Variants in CMTR1 observed in about 807,000 individuals in gnomAD.
The protein encoded by CMTR1 is cap methyltransferase 1, also known as cap-specific mRNA (nucleoside-2'-O-)-methyltransferase 1.
In CMTR1, 39 loss-of-function variants were observed where a neutral mutation model predicts 107.0. The ratio of observed to expected loss-of-function variants is 0.36; its 90% CI spans 0.28 to 0.48. The LOEUF (loss-of-function observed/expected upper bound fraction) is 0.48, where lower values mean the gene tolerates loss of function less well. CMTR1 is among the 20% of genes least tolerant of loss of function. CMTR1 has a pLI of 0.99. For synonymous variants in CMTR1, 366 were observed against 379.5 expected, an observed-to-expected ratio of 0.96 and a Z score of 0.41; for missense variants, 672 against 1,064.9, an observed-to-expected ratio of 0.63 and a Z score of 5.14.
At chr6:37,474,797 C>G (rs994496045) in intron 18 of CMTR1, 151 bp downstream of exon 18, 33 of 1,203,618 alleles carry the variant, frequency 2.7e-5, no homozygotes, top group Middle Eastern at 3.0e-4. Flanking sequence ...GACTCCTCCC[C>G]GAGCAGTTGC....
chr6:37,455,337 C>G (rs1293489915), intron 8 of CMTR1, among the ~76,000 whole-genome samples: 1 of 152,150 alleles, frequency 6.6e-6, no homozygotes, highest in Admixed American at 6.5e-5. Context: ...CCTTGGCCTC[C>G]CAAAGTGTTG....
chr6:37,437,073 AAG>A (rs1285705940), intron 2 of CMTR1, among the ~76,000 whole-genome samples: 1 of 152,166 alleles, frequency 6.6e-6, no homozygotes, highest in Non-Finnish European at 1.5e-5. Context: ...CAGGCTAGAT[AAG>A]AGAGTCAGTT....
At chr6:37,425,337 C>A in the CMTR1 span, among the ~76,000 whole-genome samples, 4 of 149,790 alleles carry the variant, frequency 2.7e-5, no homozygotes, top group Admixed American at 2.7e-4. Context: ...TGCTCTGTCA[C>A]CCAGGCTGGA....
At chr6:37,447,512 C>T (rs990602490) in intron 4 of CMTR1, among the ~76,000 whole-genome samples, 5 of 152,164 alleles carry the variant, frequency 3.3e-5, no homozygotes, top group Non-Finnish European at 7.4e-5. Context: ...AACAAGAGTC[C>T]ACATCCTTTC....
At chr6:37,449,163 C>T (rs532245093) in intron 4 of CMTR1, among the ~76,000 whole-genome samples, 1 of 152,166 alleles carries the variant, frequency 6.6e-6, no homozygotes, top group South Asian at 2.1e-4. Context: ...CCAGACTGGT[C>T]TTAAACTCCT....
At chr6:37,431,012 C>CAAAAAAAAAAAAAAAAA (rs34543353), upstream of CMTR1, among the ~76,000 whole-genome samples, 1 of 50,368 alleles carries the variant, frequency 2.0e-5, no homozygotes, top group Non-Finnish European at 4.2e-5. Flanking sequence ...GACTCCGTCT[C>CAAAAAAAAAAAAAAAAA]AAAAAAAAAA....
At position 37,435,705 on chromosome 6, in the gene CMTR1, A is replaced by G. The variant is rs769571650; in HGVS notation, c.76A>G (p.Ser26Gly). 1.2e-6 allele frequency: 2 copies of G among 1,603,922 alleles called. No individual in the cohort carries two copies. The highest frequency in any genetic ancestry group is 2.3e-5 in the South Asian group (2 of 88,874). ...QKKRVAELAL[S>G]LSSTSDDEPP... Reference sequence around the variant, plus strand: ...AAAAAGAGTTGCAGAGCTTGCCCTGAGCCTCAGCTCCACGTCCGATGATGA... The same window carrying G: ...AAAAAGAGTTGCAGAGCTTGCCCTGGGCCTCAGCTCCACGTCCGATGATGA... The change falls in exon 2 of 24, where the codon AGC (serine) becomes GGC (glycine). Residue 26 changes from serine (S) to glycine (G), a missense_variant. Around this residue, in one of 2 missense-constraint regions of CMTR1, gnomAD observed 89 missense variants for 96.6 expected, o/e 0.92. Coordinates refer to ENST00000373451, the MANE Select transcript of CMTR1 (RefSeq NM_015050.3).
chr6:37,476,210 C>T lies in CMTR1; in HGVS notation c.2105+16C>T, dbSNP rs763769595. 19 of 1,613,350 alleles carry T rather than the reference C, an allele frequency of 1.2e-5. No homozygotes were observed. Among genetic ancestry groups the T allele is most frequent in the Non-Finnish European group, 1.5e-5 (18 of 1,179,474 alleles). On this transcript the variant is annotated intron_variant, in intron 20 of 23. Transcript: ENST00000373451. ...ATCCCATCAGGTGAGCATGTGGTCCCTACCCTCCATGCTTCTTTCTGGCCA... is the reference window on the plus strand; with the variant it reads ...ATCCCATCAGGTGAGCATGTGGTCCTTACCCTCCATGCTTCTTTCTGGCCA...
chr6:37,457,050 G>A (rs1241410310), intron 8 of CMTR1, among the ~76,000 whole-genome samples: 1 of 150,624 alleles, frequency 6.6e-6, no homozygotes, highest in East Asian at 1.9e-4. Context: ...CCAAGATCCT[G>A]TCTCTAAAAA....
Position 37,480,167 on chromosome 6 carries a change from C to T in CMTR1, c.*22C>T. 1 of 1,595,782 alleles carries T rather than the reference C, an allele frequency of 6.3e-7. No individual in the cohort carries two copies. The highest frequency in any genetic ancestry group is 8.5e-7 in the Non-Finnish European group (1 of 1,172,136). On this transcript the variant is annotated 3_prime_UTR_variant, in exon 24 of 24. Transcript: ENST00000373451. Reference sequence around the variant, plus strand: ...CTAAGAGCCTCAGAATGTGCCACCCCTGCAGAATGCCCTGTCATTCCTGAG... The same window carrying T: ...CTAAGAGCCTCAGAATGTGCCACCCTTGCAGAATGCCCTGTCATTCCTGAG...
the CMTR1 span, among the ~76,000 whole-genome samples, chr6:37,427,992 A>G: frequency 7.0e-6 from 1 of 143,316 alleles, no homozygotes; most frequent in Non-Finnish European, 1.5e-5. The surrounding 1 kb of genome is among the most constrained non-coding windows in gnomAD (Gnocchi z 4.4). Flanking sequence ...AGTTTTGTCA[A>G]CCTAAGCAAC....
chr6:37,460,801 G>A (rs2395672), intron 10 of CMTR1, among the ~76,000 whole-genome samples: 23,693 of 152,116 alleles, frequency 0.16, 2,344 homozygotes, highest in East Asian at 0.2. Flanking sequence ...CAGATTTTCA[G>A]AAGTTTTCAT....
At chr6:37,443,173 A>G (rs1261464008) in intron 2 of CMTR1, among the ~76,000 whole-genome samples, 1 of 152,180 alleles carries the variant, frequency 6.6e-6, no homozygotes, top group Non-Finnish European at 1.5e-5. Flanking sequence ...GTCTTCTTGT[A>G]TATCGTTCCT....
At chr6:37,470,824 T>G (rs555982485) in intron 13 of CMTR1, among the ~76,000 whole-genome samples, 197 bp from the exon 14 acceptor site, 22 of 152,178 alleles carry the variant, frequency 1.4e-4, no homozygotes, top group African/African-American at 4.8e-4. Context: ...AGTGACCCAG[T>G]TTTCCTGTTC....
chr6:37,434,067 T>A (rs1394632675), intron 1 of CMTR1, among the ~76,000 whole-genome samples: 5 of 152,246 alleles, frequency 3.3e-5, no homozygotes, highest in Non-Finnish European at 5.9e-5. Context: ...AAGCAAGCTC[T>A]GTGATGAGCC....
intron 5 of CMTR1, 104 bp downstream of exon 5, chr6:37,450,447 A>C (rs745535276): frequency 2.4e-6 from 2 of 822,020 alleles, no homozygotes; most frequent in Non-Finnish European, 4.1e-6. Context: ...AAAAATGTGA[A>C]TCTGACCATT....
intron 13 of CMTR1, among the ~76,000 whole-genome samples, chr6:37,469,602 G>A (rs1192782762): frequency 7.5e-6 from 1 of 133,592 alleles, no homozygotes; most frequent in African/African-American, 2.8e-5. Flanking sequence ...ATCTCGGCTC[G>A]CTGCCACCTC....
intron 2 of CMTR1, among the ~76,000 whole-genome samples, 195 bp from the exon 3 acceptor site, chr6:37,443,804 A>G (rs1399059266): frequency 6.6e-6 from 1 of 152,252 alleles, no homozygotes; most frequent in Non-Finnish European, 1.5e-5. Flanking sequence ...CAAGTCCATT[A>G]GGAACTTTCA....
intron 10 of CMTR1, among the ~76,000 whole-genome samples, chr6:37,460,079 A>G (rs1031960543): frequency 1.3e-5 from 2 of 152,226 alleles, no homozygotes; most frequent in Non-Finnish European, 2.9e-5. Context: ...CTTGAGGCAC[A>G]GAGGGAAGCC....
Sources: allele counts gnomAD v4.1 joint callset (sites outside exome capture counted in the v4.1 genomes callset), GRCh38; gene constraint gnomAD v4.1.1; regional missense constraint gnomAD v4.1.1; non-coding constraint Gnocchi (gnomAD v3.1); transcripts MANE v1.5; gene names NCBI Gene and HGNC (gene_info 2026-07-23, HGNC 2026-07-21).